DISC1: variants seen among roughly 807,000 people sequenced by gnomAD.
The protein encoded by DISC1 is DISC1 scaffold protein, also known as disrupted in schizophrenia 1 protein.
DISC1 carries 57 observed loss-of-function variants against 84.5 expected under a neutral mutation model. That is an observed-to-expected ratio of 0.67 (90% CI 0.55 to 0.84). The LOEUF (loss-of-function observed/expected upper bound fraction) is 0.84, where lower values mean the gene tolerates loss of function less well. Ranked by LOEUF, DISC1 falls within the 40% of genes least tolerant of loss-of-function variation. DISC1 has a pLI of 0.00. For synonymous variants in DISC1, 411 were observed against 415.2 expected (o/e 0.99, Z 0.12); for missense variants, 1,000 against 1,057.8 (o/e 0.95, Z 0.76).
At chr1:231,817,704 A>T (rs189347311) in intron 8 of DISC1, among the ~76,000 whole-genome samples, 1 of 152,304 alleles carries the variant, frequency 6.6e-6, no homozygotes, top group Middle Eastern at 3.4e-3. Flanking sequence ...TTTAGACATA[A>T]GATTGATGTT....
chr1:231,662,485 G>C (rs2061641899), intron 1 of DISC1, among the ~76,000 whole-genome samples: 1 of 152,230 alleles, frequency 6.6e-6, no homozygotes. Context: ...TCCCAGTAAG[G>C]AGGAATGAAT....
chr1:232,031,926 G>A lies in DISC1; in HGVS notation c.2426-4766G>A, dbSNP rs1475773456. 6.6e-6 allele frequency among the ~76,000 whole-genome samples: 1 copy of A among 152,196 alleles called. No homozygotes were observed. The highest frequency in any genetic ancestry group is 1.5e-5 in the Non-Finnish European group (1 of 68,034). Reference sequence around the variant, plus strand: ...TAGTGGCTACCCAGGAAGGAATGGTGGTAAGAAGAAATAATGTAGCAAAAG... The same window carrying A: ...TAGTGGCTACCCAGGAAGGAATGGTAGTAAGAAGAAATAATGTAGCAAAAG... On this transcript the variant is annotated intron_variant, in intron 12 of 12. Transcript: ENST00000439617. The surrounding 1 kb of genome is among the most constrained non-coding windows in gnomAD (Gnocchi z 4.6).
In DISC1 at chr1:231,630,750, T is replaced by A. The variant is rs1333194647; in HGVS notation, c.67+3816T>A. Reference sequence around the variant, plus strand: ...TTCTGTGCAACAATCATGTAATTTTTAAAATTCCAGATGCTTTAGCCGTTC... The same window carrying A: ...TTCTGTGCAACAATCATGTAATTTTAAAAATTCCAGATGCTTTAGCCGTTC... On this transcript the variant is annotated intron_variant, in intron 1 of 12. Coordinates refer to ENST00000439617, the MANE Select transcript of DISC1 (RefSeq NM_018662.3). This position sits in a 1 kb window ranked among gnomAD's most constrained non-coding sequence, Gnocchi z 4.4. Among the ~76,000 whole-genome samples, 1 of 152,222 alleles carries A rather than the reference T, an allele frequency of 6.6e-6. No homozygotes were observed. The highest frequency in any genetic ancestry group is 1.5e-5 in the Non-Finnish European group (1 of 68,032).
At chr1:231,938,349 G>T (rs1336666823) in intron 9 of DISC1, among the ~76,000 whole-genome samples, 1 of 152,144 alleles carries the variant, frequency 6.6e-6, no homozygotes, top group African/African-American at 2.4e-5. Context: ...GTGACAGTGA[G>T]GTTTGAAGTG....
intron 11 of DISC1, among the ~76,000 whole-genome samples, chr1:232,011,633 T>C (rs1006115622): frequency 7.9e-5 from 12 of 152,062 alleles, no homozygotes; most frequent in African/African-American, 2.9e-4. Context: ...CAGGAAGGAA[T>C]TTGGTGCGTG....
intron 9 of DISC1, among the ~76,000 whole-genome samples, chr1:231,870,659 C>T (rs557540255): frequency 2.0e-5 from 3 of 152,174 alleles, no homozygotes; most frequent in African/African-American, 7.2e-5. Context: ...TGACAGCCCC[C>T]CAAAAAGCCC....
Position 231,779,661 on chromosome 1 carries a change from G to A in DISC1, c.1634+8591G>A, listed in dbSNP as rs1053792050. ...TGCAAGCTCCACTTCCCGGGTTCAC[G>A]CCATTCTCCTGCCTCAGCCGCCGGA... is the stretch of plus-strand genomic sequence containing the variant. On this transcript the variant is annotated intron_variant, in intron 6 of 12. Coordinates refer to ENST00000439617, the MANE Select transcript of DISC1 (RefSeq NM_018662.3). Among the ~76,000 whole-genome samples, 42 of 142,626 alleles carry A rather than the reference G, an allele frequency of 2.9e-4. 1 individual carries two copies. Among genetic ancestry groups the A allele is most frequent in the Admixed American group, 3.7e-4 (5 of 13,342 alleles). 93.6% of individuals were successfully genotyped at this position (142,626 alleles called of 152,430 possible).
At chr1:231,640,629 A>C (rs1010466049) in intron 1 of DISC1, among the ~76,000 whole-genome samples, 5 of 151,906 alleles carry the variant, frequency 3.3e-5, no homozygotes, top group Non-Finnish European at 7.4e-5. Flanking sequence ...GCTGGGCTCA[A>C]ATGATCCTCC....
At chr1:231,980,669 G>T (rs893365958) in intron 10 of DISC1, among the ~76,000 whole-genome samples, 3 of 152,156 alleles carry the variant, frequency 2.0e-5, no homozygotes, top group African/African-American at 7.2e-5. Flanking sequence ...TTTCATTGAA[G>T]GGCATTTGGT....
intron 6 of DISC1, among the ~76,000 whole-genome samples, chr1:231,788,147 G>C (rs1401449153): frequency 6.6e-6 from 1 of 152,174 alleles, no homozygotes; most frequent in African/African-American, 2.4e-5. Context: ...TTAGCTGGGT[G>C]TGCTGGCGCA....
intron 2 of DISC1, among the ~76,000 whole-genome samples, chr1:231,697,606 ATT>A (rs113034860): frequency 2.0e-4 from 25 of 127,938 alleles, no homozygotes; most frequent in Middle Eastern, 3.8e-3. Flanking sequence ...TGCCTGGCTA[ATT>A]TTTTTTTTTT....
chr1:231,666,223 T>C (rs1024884472), intron 1 of DISC1, among the ~76,000 whole-genome samples: 1 of 150,774 alleles, frequency 6.6e-6, no homozygotes, highest in Non-Finnish European at 1.5e-5. Flanking sequence ...AAGCTTTTCA[T>C]GTCATATTAA....
chr1:231,651,257 T>A (rs2060598689), intron 1 of DISC1, among the ~76,000 whole-genome samples: 1 of 152,208 alleles, frequency 6.6e-6, no homozygotes, highest in African/African-American at 2.4e-5. Flanking sequence ...TTGGTGTGGA[T>A]GTCCTTTTTG....
chr1:231,741,957 A>G (rs907066257), intron 3 of DISC1, among the ~76,000 whole-genome samples: 1 of 152,120 alleles, frequency 6.6e-6, no homozygotes, highest in Admixed American at 6.5e-5. Context: ...CTCTTTTACA[A>G]TGTGTTCCCA....
rs6668663 is a variant in DISC1 at position 231,801,491 on chromosome 1, T to C, written c.1792+1281T>C. Among the ~76,000 whole-genome samples the C allele has an allele frequency of 3.9e-3, 590 of 152,348 alleles. 8 individuals carry two copies. The highest frequency in any genetic ancestry group is 0.014 in the African/African-American group (564 of 41,578). On this transcript the variant is annotated intron_variant, in intron 8 of 12. Transcript: ENST00000439617. ...AATGCCCAAGATGGTATATTGCGTA[T>C]GGCGCAGGTTTCCTGTTTTAGCTCT...
chr1:231,927,248 C>T (rs1337050420), intron 9 of DISC1, among the ~76,000 whole-genome samples: 4 of 152,210 alleles, frequency 2.6e-5, no homozygotes, highest in Admixed American at 2.6e-4. Context: ...TATTGGCTTA[C>T]AAGCCTAACA....
chr1:231,737,927 G>A lies in DISC1; in HGVS notation c.1118-11999G>A, dbSNP rs577462978. ...GGCTAGAGTGCAGTGGCATGACATCGGCTCTCTGCAACCTCTGCCTCCTGG... is the reference window on the plus strand; with the variant it reads ...GGCTAGAGTGCAGTGGCATGACATCAGCTCTCTGCAACCTCTGCCTCCTGG... On this transcript the variant is annotated intron_variant, in intron 3 of 12. Transcript: ENST00000439617. Among the ~76,000 whole-genome samples the A allele has an allele frequency of 3.9e-5, 6 of 152,196 alleles. No individual in the cohort carries two copies. The East Asian group carries it at 9.7e-4, about 25-fold the overall frequency.
chr1:231,750,715 A>G (rs1008765892), intron 4 of DISC1: 2 of 421,242 alleles, frequency 4.7e-6, no homozygotes, highest in African/African-American at 2.2e-5. Flanking sequence ...AGATATTGGC[A>G]TGCTTAAAAA....
chr1:231,728,937 C>T (rs2071135503), intron 3 of DISC1, among the ~76,000 whole-genome samples: 1 of 152,152 alleles, frequency 6.6e-6, no homozygotes, highest in Non-Finnish European at 1.5e-5. Flanking sequence ...TGGTGTGCTG[C>T]ACCCATTAAC....
Sources: gnomAD v4.1 joint callset for allele counts (sites outside exome capture counted in the v4.1 genomes callset) on GRCh38, gnomAD v4.1.1 for gene constraint, Gnocchi (gnomAD v3.1) non-coding constraint, MANE v1.5 for transcripts, NCBI Gene and HGNC (gene_info 2026-07-23, HGNC 2026-07-21) for gene names.